IL19: variants seen among roughly 807,000 people sequenced by gnomAD.
IL19 encodes the protein interleukin-19.
IL19 carries 15 observed loss-of-function variants against 19.5 expected under a neutral mutation model. That is an observed-to-expected ratio of 0.77 (90% CI 0.52 to 1.19). IL19 has a LOEUF of 1.19. Among genes scored for constraint, IL19 ranks in the 50% most tolerant of loss-of-function variants. The pLI is 0.00. For synonymous variants in IL19, 78 were observed against 78.3 expected (o/e 1.00, Z 0.02); for missense variants, 199 against 213.1 (o/e 0.93, Z 0.41).
intron 2 of IL19, among the ~76,000 whole-genome samples, chr1:206,821,260 C>A (rs1408775966): frequency 1.3e-5 from 2 of 152,050 alleles, no homozygotes; most frequent in Admixed American, 1.3e-4. Flanking sequence ...ATCGAAATAC[C>A]AGATTAGCAA....
At chr1:206,828,658 T>C (rs553828457) in intron 2 of IL19, among the ~76,000 whole-genome samples, 38 of 152,278 alleles carry the variant, frequency 2.5e-4, no homozygotes, top group Non-Finnish European at 4.7e-4. Flanking sequence ...AAAAAAAGTA[T>C]TGACATAGAA....
rs117436723 is a variant in IL19, at chr1:206,780,206, G to C, written c.-149+9128G>C. ...TATGTCAGTTTGTAATTAGACATGTGGCTATGTGATCATTTGATTGACCTC... is the reference window on the plus strand; with the variant it reads ...TATGTCAGTTTGTAATTAGACATGTCGCTATGTGATCATTTGATTGACCTC... On this transcript the variant is annotated intron_variant, in intron 1 of 6. Transcript: ENST00000659997. Among the ~76,000 whole-genome samples, 11 of 152,232 alleles carry C rather than the reference G, an allele frequency of 7.2e-5. No individual in the cohort carries two copies. In the East Asian group the frequency reaches 2.1e-3, roughly 29 times the overall value.
At chr1:206,802,891 G>A (rs1216289937) in intron 2 of IL19, among the ~76,000 whole-genome samples, 1 of 152,206 alleles carries the variant, frequency 6.6e-6, no homozygotes, top group Non-Finnish European at 1.5e-5. Flanking sequence ...AAGACGAGGG[G>A]ACAGGAAAGC....
chr1:206,836,510 C>T (rs1676798379), intron 2 of IL19, 151 bp from the exon 3 acceptor site: 1 of 683,968 alleles, frequency 1.5e-6, no homozygotes, highest in Non-Finnish European at 2.4e-6. Flanking sequence ...ATACATACCC[C>T]TGTAACTCCT....
At position 206,771,012 on chromosome 1, in the gene IL19, C is replaced by T. The variant is rs1674815134; in HGVS notation, c.-215C>T. 1.2e-6 allele frequency: 2 copies of T among 1,614,172 alleles called. No individual in the cohort carries two copies. Among genetic ancestry groups the T allele is most frequent in the Middle Eastern group, 1.6e-4 (1 of 6,062 alleles). ...TCTCAGCTTGGGGCATCACCTCCTC[C>T]AGGTAAAACTGGATCATCTCAGACA... On this transcript the variant is annotated 5_prime_UTR_variant, in exon 1 of 7. The change creates a premature stop within an existing upstream ORF in the 5' untranslated region. Coordinates refer to ENST00000659997, the MANE Select transcript of IL19 (RefSeq NM_153758.5).
chr1:206,806,791 C>G (rs1239558337), intron 2 of IL19, among the ~76,000 whole-genome samples: 1 of 152,182 alleles, frequency 6.6e-6, no homozygotes, highest in East Asian at 1.9e-4. Flanking sequence ...ACCACTGTCA[C>G]AGCCTATTAA....
At chr1:206,838,729 C>T (rs1296161186) in intron 4 of IL19, among the ~76,000 whole-genome samples, 1 of 142,998 alleles carries the variant, frequency 7.0e-6, no homozygotes, top group Non-Finnish European at 1.5e-5. Flanking sequence ...CAGGTTCCTT[C>T]CCTTCCTTTC....
At chr1:206,783,914 T>C (rs547413627) in intron 1 of IL19, among the ~76,000 whole-genome samples, 1 of 152,234 alleles carries the variant, frequency 6.6e-6, no homozygotes, top group Admixed American at 6.5e-5. Context: ...CTGTACACAA[T>C]GCTTGGATGA....
intron 2 of IL19, among the ~76,000 whole-genome samples, chr1:206,805,397 C>T (rs12082589): frequency 6.6e-6 from 1 of 152,100 alleles, no homozygotes; most frequent in African/African-American, 2.4e-5. Flanking sequence ...TGAATAATAA[C>T]CTCATTCACT....
In IL19 at chr1:206,798,877, A is replaced by G; in HGVS notation, c.-132A>G. On this transcript the variant is annotated 5_prime_UTR_variant, in exon 2 of 7. Coordinates refer to ENST00000659997, the MANE Select transcript of IL19 (RefSeq NM_153758.5). ...TCTCCATAGAGCGGTGCTTGCACACACTGACAGGAGTCCAAGAATGTGCAC... is the reference window on the plus strand; with the variant it reads ...TCTCCATAGAGCGGTGCTTGCACACGCTGACAGGAGTCCAAGAATGTGCAC... 2 of 1,574,616 alleles carry G rather than the reference A, an allele frequency of 1.3e-6. No homozygotes were observed. The highest frequency in any genetic ancestry group is 1.1e-5 in the South Asian group (1 of 89,852).
intron 4 of IL19, among the ~76,000 whole-genome samples, chr1:206,839,495 G>A (rs1347068809): frequency 2.0e-5 from 3 of 152,164 alleles, no homozygotes; most frequent in African/African-American, 7.2e-5. Flanking sequence ...TCAGCCATCA[G>A]TCCTTTTAAA....
intron 2 of IL19, among the ~76,000 whole-genome samples, chr1:206,827,953 G>A (rs1676483630): frequency 6.6e-6 from 1 of 152,190 alleles, no homozygotes; most frequent in Non-Finnish European, 1.5e-5. Context: ...TTGACCTCAT[G>A]GAATAGGTGT....
intron 4 of IL19, among the ~76,000 whole-genome samples, 168 bp downstream of exon 4, chr1:206,837,191 A>G (rs1405448401): frequency 2.0e-5 from 3 of 152,178 alleles, no homozygotes; most frequent in African/African-American, 7.2e-5. Flanking sequence ...CTAGTGTCCC[A>G]GGGATATGTA....
rs145564586 is a variant in IL19, at chr1:206,793,203, G to A, written c.-148-5658G>A. ...CTAAATCCCGACGGGGACTTCTGCC[G>A]ATGACTTTTATAGCTTCTGACATTT... On this transcript the variant is annotated intron_variant, in intron 1 of 6. Transcript: ENST00000659997. Among the ~76,000 whole-genome samples, 59 of 152,332 alleles carry A rather than the reference G, an allele frequency of 3.9e-4. 1 individual carries two copies. The South Asian group carries it at 9.5e-3, about 25-fold the overall frequency.
chr1:206,824,762 GA>G (rs1374547649), intron 2 of IL19, among the ~76,000 whole-genome samples: 3 of 152,168 alleles, frequency 2.0e-5, no homozygotes, highest in African/African-American at 7.2e-5. Context: ...GAGTCTAAAA[GA>G]AAAAAATCTT....
chr1:206,788,168 G>A (rs1192234158), intron 1 of IL19, among the ~76,000 whole-genome samples: 1 of 152,140 alleles, frequency 6.6e-6, no homozygotes, highest in African/African-American at 2.4e-5. Flanking sequence ...GTGTGCGTGT[G>A]TGACTCTTTG....
At chr1:206,796,093 G>A (rs1452072246) in intron 1 of IL19, among the ~76,000 whole-genome samples, 1 of 152,036 alleles carries the variant, frequency 6.6e-6, no homozygotes, top group Admixed American at 6.6e-5. Flanking sequence ...GAGTCCCATG[G>A]TCTAGATTCT....
intron 2 of IL19, among the ~76,000 whole-genome samples, chr1:206,817,290 T>C (rs1676181369): frequency 6.6e-6 from 1 of 152,224 alleles, no homozygotes; most frequent in Non-Finnish European, 1.5e-5. Flanking sequence ...AATCACCTAC[T>C]GATCTCAGAA....
At chr1:206,839,619 T>C (rs1676928963) in intron 4 of IL19, among the ~76,000 whole-genome samples, 1 of 152,194 alleles carries the variant, frequency 6.6e-6, no homozygotes, top group Non-Finnish European at 1.5e-5. Flanking sequence ...TTAGTAAATG[T>C]ATTTCTCGGC....
Sources: allele counts gnomAD v4.1 joint callset (sites outside exome capture counted in the v4.1 genomes callset), GRCh38; gene constraint gnomAD v4.1.1; transcripts MANE v1.5; gene names NCBI Gene and HGNC (gene_info 2026-07-23, HGNC 2026-07-21).